The following SHISA9 variants were observed in gnomAD, a reference collection of about 807,000 sequenced individuals.
The protein encoded by SHISA9 is protein shisa-9.
In SHISA9, 13 loss-of-function variants were observed where a neutral mutation model predicts 38.0. The observed-to-expected ratio is 0.34, with a 90% CI of 0.22 to 0.54. The LOEUF is 0.54. Ranked by LOEUF, SHISA9 falls within the 20% of genes least tolerant of loss-of-function variation. SHISA9 has a pLI of 0.91. For synonymous variants in SHISA9, 275 were observed against 242.0 expected (o/e 1.14, Z -1.27); for missense variants, 538 against 575.8 (o/e 0.93, Z 0.67).
chr16:13,475,872 G>C, the SHISA9 span, among the ~76,000 whole-genome samples: 5 of 152,270 alleles, frequency 3.3e-5, no homozygotes, highest in East Asian at 7.7e-4. Context: ...CATATGTGCA[G>C]TTCACAATAG....
intron 2 of SHISA9, among the ~76,000 whole-genome samples, chr16:13,179,401 C>T (rs1001710752): frequency 6.6e-6 from 1 of 152,126 alleles, no homozygotes; most frequent in East Asian, 1.9e-4. Context: ...TCTCTACATG[C>T]CTTATCTTAT....
intron 4 of SHISA9, among the ~76,000 whole-genome samples, chr16:13,220,114 T>A (rs994176863): frequency 6.6e-6 from 1 of 152,228 alleles, no homozygotes; most frequent in Non-Finnish European, 1.5e-5. Flanking sequence ...TTGCTTAAAA[T>A]GTATTTAGAC....
At chr16:12,968,178 A>G (rs752106898) in intron 2 of SHISA9, among the ~76,000 whole-genome samples, 1 of 124,342 alleles carries the variant, frequency 8.0e-6, no homozygotes. Context: ...TGACAGAGGA[A>G]GGCTCCATCT....
At chr16:12,942,914 G>T (rs907301104) in intron 2 of SHISA9, among the ~76,000 whole-genome samples, 3 of 152,090 alleles carry the variant, frequency 2.0e-5, no homozygotes, top group African/African-American at 7.2e-5. Flanking sequence ...AGATGTTCTC[G>T]GGGCTCTGAC....
the SHISA9 span, among the ~76,000 whole-genome samples, chr16:13,493,441 C>T: frequency 1.6e-4 from 25 of 152,262 alleles, no homozygotes; most frequent in East Asian, 1.3e-3. Flanking sequence ...CTCTTGGCTA[C>T]CTGAGGCAGA....
chr16:13,198,692 T>C (rs1205461639), intron 2 of SHISA9, among the ~76,000 whole-genome samples: 1 of 152,242 alleles, frequency 6.6e-6, no homozygotes, highest in Non-Finnish European at 1.5e-5. Flanking sequence ...AAATGACATT[T>C]AGAAAACCTA....
chr16:13,302,718 A>G, the SHISA9 span, among the ~76,000 whole-genome samples: 1 of 152,166 alleles, frequency 6.6e-6, no homozygotes, highest in African/African-American at 2.4e-5. Flanking sequence ...TCATGCGAGT[A>G]CGACTGATAC....
At chr16:13,190,370 G>A (rs2050872624) in intron 2 of SHISA9, among the ~76,000 whole-genome samples, 1 of 152,146 alleles carries the variant, frequency 6.6e-6, no homozygotes, top group African/African-American at 2.4e-5. Context: ...GAGCCACCAA[G>A]GGTGAGTTAT....
At chr16:13,263,589 G>A in the SHISA9 span, among the ~76,000 whole-genome samples, 1 of 152,156 alleles carries the variant, frequency 6.6e-6, no homozygotes, top group Non-Finnish European at 1.5e-5. Context: ...TATGCTTCCT[G>A]TACAGCCTGC....
chr16:13,111,976 A>C (rs758338791), intron 2 of SHISA9, among the ~76,000 whole-genome samples: 33 of 152,210 alleles, frequency 2.2e-4, no homozygotes, highest in Non-Finnish European at 3.5e-4. Flanking sequence ...AAAGACACAC[A>C]GCTAGGTAGT....
chr16:13,268,932 G>A, the SHISA9 span, among the ~76,000 whole-genome samples: 1 of 152,108 alleles, frequency 6.6e-6, no homozygotes, highest in South Asian at 2.1e-4. Flanking sequence ...TATCATGTGT[G>A]GCAAACAGAT....
chr16:13,227,356 T>C (rs1246002143), intron 4 of SHISA9, among the ~76,000 whole-genome samples: 1 of 152,156 alleles, frequency 6.6e-6, no homozygotes, highest in East Asian at 1.9e-4. Context: ...GTTAAGGAAA[T>C]ATTTGTTAGA....
chr16:13,042,816 C>T (rs1036664259), intron 2 of SHISA9, among the ~76,000 whole-genome samples: 4 of 152,146 alleles, frequency 2.6e-5, no homozygotes, highest in Non-Finnish European at 5.9e-5. Flanking sequence ...GGTCTCCTCC[C>T]ACTAAAGTTA....
At position 13,235,611 on chromosome 16, in the gene SHISA9, A is replaced by G. The variant is rs1381686598; in HGVS notation, c.*202A>G. The G allele has an allele frequency of 4.7e-6, 3 of 640,096 alleles. No homozygotes were observed. The highest frequency in any genetic ancestry group is 5.2e-6 in the Non-Finnish European group (2 of 388,014). 39.7% of individuals were successfully genotyped at this position (640,096 alleles called of 1,614,324 possible). On this transcript the variant is annotated 3_prime_UTR_variant, in exon 5 of 5. Transcript: ENST00000558583. ...TAACGTGTCGGCGGGCAGCTGAGAA[A>G]GACCGAAGCGTGGACATTCAGCAAT...
At chr16:13,001,020 C>G (rs2072517692) in intron 2 of SHISA9, among the ~76,000 whole-genome samples, 1 of 152,152 alleles carries the variant, frequency 6.6e-6, no homozygotes, top group East Asian at 1.9e-4. Flanking sequence ...CTCCGCGTCC[C>G]AGGTTCAAGC....
In SHISA9 at chr16:13,110,747, G is replaced by C. The variant is rs74892883; in HGVS notation, c.692-92647G>C. On this transcript the variant is annotated intron_variant, in intron 2 of 4. Transcript: ENST00000558583. ...GTGACACATGGCCTCATTTATCCTG[G>C]AGAAAGCTGGGGAATTTGGTCTCAG... is the stretch of plus-strand genomic sequence containing the variant. Among the ~76,000 whole-genome samples, 13 of 152,308 alleles carry C rather than the reference G, an allele frequency of 8.5e-5. No homozygotes were observed. The East Asian group carries it at 1.5e-3, about 18-fold the overall frequency.
At chr16:12,972,420 A>C (rs1378669792) in intron 2 of SHISA9, among the ~76,000 whole-genome samples, 2 of 152,186 alleles carry the variant, frequency 1.3e-5, no homozygotes, top group South Asian at 4.1e-4. Flanking sequence ...ACACCTCCGT[A>C]TATCACTAAG....
intron 1 of SHISA9, chr16:12,909,132 C>A: frequency 1.0e-6 from 1 of 985,604 alleles, no homozygotes; most frequent in Non-Finnish European, 1.2e-6. Context: ...CTACTGTTGG[C>A]CACAGAAAAG....
the SHISA9 span, among the ~76,000 whole-genome samples, chr16:13,445,471 G>A: frequency 6.6e-6 from 1 of 152,138 alleles, no homozygotes; most frequent in Non-Finnish European, 1.5e-5. Flanking sequence ...CAGAAAGAAC[G>A]AAGGAAGACA....
Sources: allele counts gnomAD v4.1 joint callset (sites outside exome capture counted in the v4.1 genomes callset), GRCh38; gene constraint gnomAD v4.1.1; transcripts MANE v1.5; gene names NCBI Gene and HGNC (gene_info 2026-07-23, HGNC 2026-07-21).